The following LIPA variants were observed in gnomAD, a reference collection of about 807,000 sequenced individuals.
LIPA encodes lipase A, lysosomal acid type, also known as lysosomal acid lipase/cholesteryl ester hydrolase.
Under a neutral mutation model 40.6 loss-of-function variants are expected in LIPA, and 26 were observed. The observed-to-expected ratio is 0.64, with a 90% CI of 0.47 to 0.89. LIPA has a LOEUF of 0.89. Ranked by LOEUF, LIPA falls within the 40% of genes least tolerant of loss-of-function variation. The pLI, the probability that LIPA is intolerant of heterozygous loss-of-function variation, is 0.00. For missense variants in LIPA, 455 were observed against 479.6 expected (o/e 0.95, Z 0.48); for synonymous variants, 188 against 168.4 (o/e 1.12, Z -0.90).
chr10:89,245,787 T>C lies in LIPA; in HGVS notation c.118A>G (p.Ile40Val). 1 of 1,504,072 alleles carries C rather than the reference T, an allele frequency of 6.6e-7. No homozygotes were observed. Among genetic ancestry groups the C allele is most frequent in the Non-Finnish European group, 9.3e-7 (1 of 1,079,554 alleles). 93.2% of individuals were successfully genotyped at this position (1,504,072 alleles called of 1,614,324 possible). ...CTAGGGAATCCCCAGTAAGAGATAA[T>C]TTCACTCTGTAGAGAAAAAGGACGA... The part of the protein sequence containing the change: ...DPETNMNVSE[I>V]ISYWGFPSEE... The change falls in exon 3 of 10, where the codon ATT becomes GTT. Residue 40 changes from isoleucine to valine, a missense_variant. Ile to Val is a conservative substitution (Grantham distance 29, BLOSUM62 3). Transcript: ENST00000336233.
At chr10:89,225,043 C>A in intron 6 of LIPA, 49 bp downstream of exon 6, 1 of 1,605,194 alleles carries the variant, frequency 6.2e-7, no homozygotes, top group South Asian at 1.1e-5. Context: ...CTTCAGATCT[C>A]AGGAGGAAAT....
upstream of LIPA, among the ~76,000 whole-genome samples, chr10:89,253,115 G>C (rs1564769227): frequency 6.6e-6 from 1 of 152,194 alleles, no homozygotes; most frequent in African/African-American, 2.4e-5. Flanking sequence ...CGTGTCTTCT[G>C]AGTAAGATGA....
At chr10:89,379,962 G>A (rs925960307) in intron 2 of LIPA, among the ~76,000 whole-genome samples, 1 of 151,842 alleles carries the variant, frequency 6.6e-6, no homozygotes, top group Non-Finnish European at 1.5e-5. Flanking sequence ...GTGAACCTGG[G>A]AGGCGGAGCT....
chr10:89,245,556 C>T (rs1378528089), intron 3 of LIPA, 120 bp downstream of exon 3: 4 of 754,214 alleles, frequency 5.3e-6, no homozygotes, highest in South Asian at 1.4e-5. Context: ...AACCTCAACA[C>T]AGTTAGTGCT....
intron 1 of LIPA, among the ~76,000 whole-genome samples, chr10:89,332,312 T>G (rs1420072931): frequency 1.3e-5 from 2 of 152,250 alleles, no homozygotes; most frequent in Non-Finnish European, 2.9e-5. Context: ...CATAACACAT[T>G]TGGAAGCTTC....
intron 2 of LIPA, among the ~76,000 whole-genome samples, chr10:89,399,160 T>C (rs1308661880): frequency 1.3e-5 from 2 of 152,162 alleles, no homozygotes; most frequent in Non-Finnish European, 2.9e-5. Context: ...TTATTGGCCA[T>C]TTGTATATTT....
At chr10:89,365,773 T>C (rs188174877) in intron 2 of LIPA, among the ~76,000 whole-genome samples, 1 of 152,302 alleles carries the variant, frequency 6.6e-6, no homozygotes, top group Admixed American at 6.5e-5. Flanking sequence ...ATGTGTGGTA[T>C]TATTTCTGAG....
intron 3 of LIPA, among the ~76,000 whole-genome samples, chr10:89,236,223 TAAGAG>T (rs1842903282): frequency 6.6e-6 from 1 of 152,218 alleles, no homozygotes; most frequent in Non-Finnish European, 1.5e-5. Context: ...CATTGACAGT[TAAGAG>T]AAATGTAAAC....
At chr10:89,216,394 G>A (rs1842626666) in intron 8 of LIPA, among the ~76,000 whole-genome samples, 1 of 146,130 alleles carries the variant, frequency 6.8e-6, no homozygotes, top group Non-Finnish European at 1.5e-5. Context: ...CAGATAGGTA[G>A]CTACATATAT....
intron 2 of LIPA, among the ~76,000 whole-genome samples, chr10:89,407,217 G>A (rs760394434): frequency 4.6e-5 from 7 of 152,056 alleles, no homozygotes; most frequent in African/African-American, 1.7e-4. Flanking sequence ...AAGTCATGTC[G>A]CCCAAGTGAG....
In LIPA at chr10:89,387,932, G is replaced by A. The variant is rs1271919225; in HGVS notation, c.61+24859C>T. ...AATAATAAAATGTTTGGATAAAAAG[G>A]GCAAATAGCAGTATCTAAAAAGTAC... is the stretch of plus-strand genomic sequence containing the variant. On this transcript the variant is annotated intron_variant, in intron 2 of 8. Transcript: ENST00000371837. Among the ~76,000 whole-genome samples the A allele has an allele frequency of 3.9e-5, 6 of 152,032 alleles. No homozygotes were observed. In the East Asian group the frequency reaches 1.2e-3, roughly 29 times the overall value.
intron 1 of LIPA, among the ~76,000 whole-genome samples, chr10:89,303,047 CT>C (rs1278361072): frequency 6.7e-6 from 1 of 149,012 alleles, no homozygotes; most frequent in African/African-American, 2.5e-5. Flanking sequence ...TTACAGATTT[CT>C]TTTTTTTGTA....
chr10:89,398,357 T>C (rs571782981), intron 2 of LIPA, among the ~76,000 whole-genome samples: 1 of 152,342 alleles, frequency 6.6e-6, no homozygotes, highest in South Asian at 2.1e-4. Context: ...GTTAATTCCC[T>C]ACAGGTTGTG....
At chr10:89,226,791 A>T in intron 5 of LIPA, 104 bp downstream of exon 5, 1 of 720,558 alleles carries the variant, frequency 1.4e-6, no homozygotes, top group Non-Finnish European at 2.5e-6. Context: ...ATTTAAAAAT[A>T]AATGGAATTT....
At chr10:89,409,363 T>C (rs561713334) in intron 2 of LIPA, among the ~76,000 whole-genome samples, 2 of 152,026 alleles carry the variant, frequency 1.3e-5, no homozygotes, top group Non-Finnish European at 2.9e-5. Context: ...GGACAGAAAA[T>C]GGAGCATGCC....
At chr10:89,234,622 C>T (rs7901936) in intron 3 of LIPA, among the ~76,000 whole-genome samples, 12,563 of 152,260 alleles carry the variant, frequency 0.083, 932 homozygotes, top group African/African-American at 0.2. Flanking sequence ...CAGCTTCTCT[C>T]ACCTGCTCCC....
At chr10:89,356,494 C>T (rs1843989167) in intron 2 of LIPA, among the ~76,000 whole-genome samples, 1 of 152,124 alleles carries the variant, frequency 6.6e-6, no homozygotes, top group Non-Finnish European at 1.5e-5. Flanking sequence ...CGCCTCCTGT[C>T]AGATCAACAG....
rs191896760 is a variant in LIPA, at chr10:89,394,412, G to A, written c.61+18379C>T. On this transcript the variant is annotated intron_variant, in intron 2 of 8. Transcript: ENST00000371837. The stretch of plus-strand genomic sequence containing the variant: ...CACACAGACAATAAGTGGTAGCTTT[G>A]AGATATGGATCAGGATCTCTACATT... Among the ~76,000 whole-genome samples the A allele has an allele frequency of 1.2e-4, 18 of 152,030 alleles. No individual in the cohort carries two copies. In the East Asian group the frequency reaches 2.7e-3, roughly 23 times the overall value.
At chr10:89,366,424 T>C (rs939681592) in intron 2 of LIPA, among the ~76,000 whole-genome samples, 4 of 152,220 alleles carry the variant, frequency 2.6e-5, no homozygotes, top group African/African-American at 7.2e-5. Context: ...CTTTTCCTAA[T>C]TGAATATCCT....
Sources: allele counts gnomAD v4.1 joint callset (sites outside exome capture counted in the v4.1 genomes callset), GRCh38; gene constraint gnomAD v4.1.1; transcripts MANE v1.5; gene names NCBI Gene and HGNC (gene_info 2026-07-23, HGNC 2026-07-21).